Variants in GLIS3 observed in about 807,000 individuals in gnomAD.
GLIS3 encodes zinc finger protein GLIS3.
Under a neutral mutation model 78.6 loss-of-function variants are expected in GLIS3, and 53 were observed. That is an observed-to-expected ratio of 0.67 (90% CI 0.54 to 0.85). The LOEUF (loss-of-function observed/expected upper bound fraction) is 0.85. Ranked by LOEUF, GLIS3 falls within the 40% of genes least tolerant of loss-of-function variation. GLIS3 has a pLI of 0.00. For missense variants in GLIS3, 1,703 were observed against 1,231.1 expected (o/e 1.38, Z -5.74); for synonymous variants, 684 against 509.9 (o/e 1.34, Z -4.60).
intron 2 of GLIS3, among the ~76,000 whole-genome samples, chr9:4,183,868 G>C (rs945729948): frequency 1.3e-5 from 2 of 152,092 alleles, no homozygotes; most frequent in Non-Finnish European, 2.9e-5. Flanking sequence ...AGATCCTTAA[G>C]GGCAGAGAAC....
At chr9:4,426,735 C>A in the GLIS3 span, among the ~76,000 whole-genome samples, 1 of 152,222 alleles carries the variant, frequency 6.6e-6, no homozygotes, top group Non-Finnish European at 1.5e-5. Flanking sequence ...CTCTTTCTTG[C>A]TGTGTGACCT....
intron 2 of GLIS3, among the ~76,000 whole-genome samples, chr9:4,142,146 T>C (rs1317334155): frequency 2.6e-5 from 4 of 152,186 alleles, no homozygotes; most frequent in Non-Finnish European, 5.9e-5. Flanking sequence ...GCAACCATAA[T>C]ACATATTGAT....
intron 2 of GLIS3, among the ~76,000 whole-genome samples, chr9:4,212,879 G>A (rs1434818576): frequency 6.6e-6 from 1 of 152,170 alleles, no homozygotes. Context: ...ATACCCTGAG[G>A]GGTATGGGGA....
chr9:4,462,343 G>C, the GLIS3 span, among the ~76,000 whole-genome samples: 2 of 152,184 alleles, frequency 1.3e-5, no homozygotes, highest in Admixed American at 6.5e-5. Flanking sequence ...CTCAAGATTG[G>C]TGAAATTGTC....
At chr9:4,410,151 TTC>T in the GLIS3 span, among the ~76,000 whole-genome samples, 39 of 150,308 alleles carry the variant, frequency 2.6e-4, 5 homozygotes, top group Non-Finnish European at 3.0e-4. Flanking sequence ...TTTTTTTTTT[TTC>T]TTAAGCAGAG....
In GLIS3 at chr9:4,282,543, A is replaced by T. The variant is rs116070987; in HGVS notation, c.388+3495T>A. On this transcript the variant is annotated intron_variant, in intron 2 of 10. Coordinates refer to ENST00000381971, the MANE Select transcript of GLIS3 (RefSeq NM_001042413.2). ...GCCTTTAACTTCAAACTGAAACATC[A>T]GCTCTTCCTGGATCTTGAGCCTGGC... 6.9e-3 allele frequency among the ~76,000 whole-genome samples: 1,046 copies of T among 152,146 alleles called. 11 individuals are homozygous for T. Among genetic ancestry groups the T allele is most frequent in the Middle Eastern group, 0.02 (6 of 294 alleles).
At chr9:4,288,877 A>C (rs541122740) in intron 1 of GLIS3, among the ~76,000 whole-genome samples, 1 of 152,336 alleles carries the variant, frequency 6.6e-6, no homozygotes, top group African/African-American at 2.4e-5. Flanking sequence ...AGACAAAAAT[A>C]AAAGAAACTA....
chr9:4,061,078 T>C (rs1455401746), intron 4 of GLIS3, among the ~76,000 whole-genome samples: 1 of 151,992 alleles, frequency 6.6e-6, no homozygotes, highest in East Asian at 1.9e-4. Flanking sequence ...TTTTTTTTAC[T>C]ATTACACTTT....
intron 8 of GLIS3, among the ~76,000 whole-genome samples, chr9:3,870,198 G>A (rs754968174): frequency 2.6e-5 from 4 of 152,076 alleles, no homozygotes; most frequent in Non-Finnish European, 4.4e-5. Flanking sequence ...TGATACCTGT[G>A]AGACTACAAA....
intron 4 of GLIS3, among the ~76,000 whole-genome samples, chr9:4,052,411 A>T (rs990932955): frequency 1.3e-5 from 2 of 152,168 alleles, no homozygotes; most frequent in Admixed American, 1.3e-4. Flanking sequence ...AATGGTGTAC[A>T]ACTATCACCA....
intron 2 of GLIS3, among the ~76,000 whole-genome samples, chr9:4,220,063 T>C (rs1821186006): frequency 6.6e-6 from 1 of 152,170 alleles, no homozygotes; most frequent in Non-Finnish European, 1.5e-5. Flanking sequence ...AGGACATTTT[T>C]ATAGGACTCA....
chr9:4,409,286 T>C, the GLIS3 span, among the ~76,000 whole-genome samples: 775 of 152,318 alleles, frequency 5.1e-3, 7 homozygotes, highest in African/African-American at 0.018. Flanking sequence ...CTTTAAATTA[T>C]TTCAGGTTGA....
At chr9:4,476,014 G>A in the GLIS3 span, among the ~76,000 whole-genome samples, 1 of 152,060 alleles carries the variant, frequency 6.6e-6, no homozygotes, top group African/African-American at 2.4e-5. Context: ...CTCCCAAATT[G>A]CTGGAATTAC....
intron 4 of GLIS3, among the ~76,000 whole-genome samples, chr9:3,970,549 GC>G (rs777306603): frequency 1.3e-5 from 2 of 152,030 alleles, no homozygotes; most frequent in Non-Finnish European, 2.9e-5. Context: ...GTGTTACCTT[GC>G]CCCTGAACAA....
At chr9:4,354,932 C>T in the GLIS3 span, among the ~76,000 whole-genome samples, 14 of 151,974 alleles carry the variant, frequency 9.2e-5, no homozygotes, top group East Asian at 7.8e-4. Flanking sequence ...CTGGCTAACA[C>T]GGCGAAACCC....
At chr9:4,033,875 A>AC (rs1208467562) in intron 4 of GLIS3, among the ~76,000 whole-genome samples, 4 of 150,172 alleles carry the variant, frequency 2.7e-5, no homozygotes, top group Non-Finnish European at 5.9e-5. Flanking sequence ...AAAAAAAAAA[A>AC]AAAAAAAAAA....
intron 6 of GLIS3, among the ~76,000 whole-genome samples, chr9:3,931,990 T>G (rs755227109): frequency 6.6e-6 from 1 of 152,232 alleles, no homozygotes; most frequent in Non-Finnish European, 1.5e-5. Context: ...TTCTGTGGTG[T>G]TGTTTTTCCC....
chr9:4,267,971 G>A (rs1375977141), intron 2 of GLIS3, among the ~76,000 whole-genome samples: 3 of 151,450 alleles, frequency 2.0e-5, no homozygotes, highest in African/African-American at 7.3e-5. Context: ...GTGTGTGTGT[G>A]TGTGTATGTG....
chr9:4,365,294 G>A, the GLIS3 span, among the ~76,000 whole-genome samples: 2 of 152,076 alleles, frequency 1.3e-5, no homozygotes. Flanking sequence ...TGGGTGCGGT[G>A]GCTCATGCCT....
Sources: gnomAD v4.1 joint callset for allele counts (sites outside exome capture counted in the v4.1 genomes callset) on GRCh38, gnomAD v4.1.1 for gene constraint, MANE v1.5 for transcripts, NCBI Gene and HGNC (gene_info 2026-07-23, HGNC 2026-07-21) for gene names.